PAFAH1B2: variants seen among roughly 807,000 people sequenced by gnomAD.
The protein encoded by PAFAH1B2 is platelet-activating factor acetylhydrolase IB subunit alpha2.
PAFAH1B2 carries 8 observed loss-of-function variants against 28.0 expected under a neutral mutation model. That is an observed-to-expected ratio of 0.29 (90% CI 0.17 to 0.52). The LOEUF is 0.52. Among genes scored for constraint, PAFAH1B2 ranks in the 20% least tolerant of loss-of-function variants. The pLI is 0.97. For missense variants in PAFAH1B2, 190 were observed against 282.6 expected (o/e 0.67, Z 2.35); for synonymous variants, 104 against 103.2 (o/e 1.01, Z -0.05).
chr11:117,149,126 A>C (rs370573135), intron 1 of PAFAH1B2, among the ~76,000 whole-genome samples: 16 of 145,770 alleles, frequency 1.1e-4, no homozygotes, highest in East Asian at 8.2e-4. Context: ...CAGGTAATCT[A>C]CCTGCCTCGG....
intron 1 of PAFAH1B2, among the ~76,000 whole-genome samples, chr11:117,152,143 C>G (rs1315518365): frequency 2.0e-5 from 3 of 152,074 alleles, no homozygotes; most frequent in Admixed American, 6.6e-5. Flanking sequence ...CATATAATCA[C>G]AAAAAACTAA....
intron 2 of PAFAH1B2, 22 bp from the exon 3 acceptor site, chr11:117,159,912 T>C (rs1301607647): frequency 2.5e-6 from 4 of 1,590,312 alleles, no homozygotes; most frequent in Non-Finnish European, 2.6e-6. Context: ...TTAATAATTT[T>C]TTTTTTTCTT....
Position 117,169,702 on chromosome 11 carries a change from T to C in PAFAH1B2, c.*2003T>C. On this transcript the variant is annotated 3_prime_UTR_variant, in exon 6 of 6. Transcript: ENST00000527958. ...TGTTTACGACATTAAAAATTTCCTTTTTATTTTTAGTAGCCCAGGTTGAGT... is the reference window on the plus strand; with the variant it reads ...TGTTTACGACATTAAAAATTTCCTTCTTATTTTTAGTAGCCCAGGTTGAGT... 9.5e-7 allele frequency: 1 copy of C among 1,057,406 alleles called. No homozygotes were observed. The highest frequency in any genetic ancestry group is 4.2e-4 in the Middle Eastern group (1 of 2,354). 65.5% of individuals were successfully genotyped at this position (1,057,406 alleles called of 1,614,324 possible).
chr11:117,152,310 A>G, intron 1 of PAFAH1B2, 131 bp from the exon 2 acceptor site: 1 of 620,222 alleles, frequency 1.6e-6, no homozygotes, highest in East Asian at 2.7e-5. Context: ...GTTTCTGTTT[A>G]GTTTCCCAAT....
At chr11:117,147,007 G>A (rs2134162767) in intron 1 of PAFAH1B2, among the ~76,000 whole-genome samples, 2 of 151,576 alleles carry the variant, frequency 1.3e-5, no homozygotes. Context: ...GGTGGCTCAC[G>A]CCTGTAATCC....
downstream of PAFAH1B2, chr11:117,174,819 T>C: frequency 1.1e-6 from 1 of 885,868 alleles, no homozygotes; most frequent in Non-Finnish European, 1.7e-6. Context: ...TTTACCATGT[T>C]GGCCAGGCTG....
chr11:117,152,302 TTC>T (rs1956169789), intron 1 of PAFAH1B2, 137 bp from the exon 2 acceptor site: 5 of 615,342 alleles, frequency 8.1e-6, no homozygotes, highest in Non-Finnish European at 1.4e-5. Flanking sequence ...AAGTAATTGT[TTC>T]TGTTTAGTTT....
downstream of PAFAH1B2, among the ~76,000 whole-genome samples, chr11:117,172,388 ATATATATATATATATATTTTTTTTTTT>A (rs1371255994): frequency 3.8e-3 from 7 of 1,838 alleles, 1 homozygote; most frequent in Non-Finnish European, 5.4e-3. Flanking sequence ...ATATATATAT[ATATATATATATATATATTTTTTTTTTT>A]TTTTTTTTTT....
intron 5 of PAFAH1B2, among the ~76,000 whole-genome samples, chr11:117,166,269 T>C (rs1254415836): frequency 6.6e-6 from 1 of 152,254 alleles, no homozygotes; most frequent in Non-Finnish European, 1.5e-5. Context: ...ACCTGCCTTA[T>C]TCCAGAAAGG....
intron 3 of PAFAH1B2, 117 bp from the exon 4 acceptor site, chr11:117,161,028 T>G: frequency 1.4e-6 from 1 of 705,304 alleles, no homozygotes; most frequent in Non-Finnish European, 2.5e-6. Context: ...GTCACACCAT[T>G]ACAGTGTTAT....
At position 117,170,694 on chromosome 11, in the gene PAFAH1B2, A is replaced by T. The variant is rs540022922; in HGVS notation, c.*2995A>T. 9.4e-7 allele frequency: 1 copy of T among 1,059,886 alleles called. No homozygotes were observed. Among genetic ancestry groups the T allele is most frequent in the Admixed American group, 5.4e-5 (1 of 18,530 alleles). 65.7% of individuals were successfully genotyped at this position (1,059,886 alleles called of 1,614,324 possible). On this transcript the variant is annotated 3_prime_UTR_variant, in exon 6 of 6. Transcript: ENST00000527958. ...TTTTTTAACCTAGTCACTGTTTACA[A>T]TTGTATGCTAAAGCCTGAAATATTG... is the stretch of plus-strand genomic sequence containing the variant.
chr11:117,157,005 A>G (rs2134188665), intron 2 of PAFAH1B2, among the ~76,000 whole-genome samples: 1 of 150,528 alleles, frequency 6.6e-6, no homozygotes. Context: ...AGTCTGGGTG[A>G]CAGAGTGAAA....
At chr11:117,164,681 A>G (rs1956461283) in intron 5 of PAFAH1B2, among the ~76,000 whole-genome samples, 1 of 152,182 alleles carries the variant, frequency 6.6e-6, no homozygotes, top group South Asian at 2.1e-4. Flanking sequence ...ACCCTTTTGT[A>G]GAATTAAAGC....
intron 2 of PAFAH1B2, among the ~76,000 whole-genome samples, chr11:117,158,137 C>G (rs1013334577): frequency 6.6e-6 from 1 of 152,112 alleles, no homozygotes; most frequent in Non-Finnish European, 1.5e-5. Flanking sequence ...GATTCCATCT[C>G]CAAAAAGTAA....
downstream of PAFAH1B2, among the ~76,000 whole-genome samples, chr11:117,172,118 A>C (rs904591687): frequency 6.6e-6 from 1 of 152,050 alleles, no homozygotes; most frequent in Admixed American, 6.6e-5. Flanking sequence ...ATGTGGAAGA[A>C]AGAAAAAGCT....
At chr11:117,161,111 T>G in intron 3 of PAFAH1B2, 34 bp from the exon 4 acceptor site, 1 of 1,355,108 alleles carries the variant, frequency 7.4e-7, no homozygotes, top group Non-Finnish European at 1.0e-6. Flanking sequence ...TCCCCTAGTT[T>G]TAGGTACACT....
Position 117,170,655 on chromosome 11 carries a change from T to C in PAFAH1B2, c.*2956T>C. The C allele has an allele frequency of 9.5e-7, 1 of 1,049,436 alleles. No homozygotes were observed. The allele number at this position is 1,049,436 out of a possible 1,614,324, so 65.0% of individuals were successfully genotyped here. A position where few individuals can be genotyped will look rare whatever the true frequency, so the allele number is the denominator to read the frequency against. On this transcript the variant is annotated 3_prime_UTR_variant, in exon 6 of 6. Coordinates refer to ENST00000527958, the MANE Select transcript of PAFAH1B2 (RefSeq NM_002572.4). ...AAAAAAAAAAAAAAAAAAGTCCAAC[T>C]TACTTTATTTTATTTTTTTAACCTA...
chr11:117,169,126 T>G lies in PAFAH1B2; in HGVS notation c.*1427T>G. ...AGTTTTTAAATTATCCTCCAAAAAT[T>G]TTGGGCCTTTTTCTGTGGGGAAACA... On this transcript the variant is annotated 3_prime_UTR_variant, in exon 6 of 6. Transcript: ENST00000527958. 9.8e-7 allele frequency: 1 copy of G among 1,023,180 alleles called. No homozygotes were observed. The highest frequency in any genetic ancestry group is 6.4e-5 in the East Asian group (1 of 15,540). The allele number at this position is 1,023,180 out of a possible 1,614,324, so 63.4% of individuals were successfully genotyped here. A position where few individuals can be genotyped will look rare whatever the true frequency, so the allele number is the denominator to read the frequency against.
downstream of PAFAH1B2, chr11:117,175,289 C>G: frequency 9.3e-7 from 1 of 1,073,906 alleles, no homozygotes; most frequent in Non-Finnish European, 1.1e-6. Context: ...GGCTTTGAGA[C>G]ACACCACTGC....
Sources: allele counts gnomAD v4.1 joint callset (sites outside exome capture counted in the v4.1 genomes callset), GRCh38; gene constraint gnomAD v4.1.1; transcripts MANE v1.5; gene names NCBI Gene and HGNC (gene_info 2026-07-23, HGNC 2026-07-21).